PHYKPL: variants seen among roughly 807,000 people sequenced by gnomAD.
PHYKPL encodes the protein 5-phosphohydroxy-L-lysine phospho-lyase.
Under a neutral mutation model 51.3 loss-of-function variants are expected in PHYKPL, and 42 were observed. The ratio of observed to expected loss-of-function variants is 0.82; its 90% CI spans 0.64 to 1.06. The LOEUF is 1.06. Ranked by LOEUF, PHYKPL falls within the 50% of genes least tolerant of loss-of-function variation. PHYKPL has a pLI of 0.00. For missense variants in PHYKPL, 655 were observed against 586.6 expected (o/e 1.12, Z -1.20); for synonymous variants, 264 against 236.0 (o/e 1.12, Z -1.09).
chr5:178,221,426 C>T (rs145166152), intron 8 of PHYKPL, among the ~76,000 whole-genome samples: 6 of 152,256 alleles, frequency 3.9e-5, no homozygotes, highest in South Asian at 2.1e-4. Flanking sequence ...ACTACTTCCA[C>T]TCATCCTCCA....
intron 12 of PHYKPL, chr5:178,209,479 T>C: frequency 6.4e-7 from 1 of 1,573,974 alleles, no homozygotes; most frequent in South Asian, 1.1e-5. Context: ...ATAGGTCCTG[T>C]TTCCCTGCCT....
At chr5:178,210,725 T>C in intron 12 of PHYKPL, 2 of 841,898 alleles carry the variant, frequency 2.4e-6, no homozygotes, top group South Asian at 2.8e-5. Context: ...TTCTATTGCC[T>C]GTCCCATGTG....
chr5:178,227,154 G>T (rs1015247760), intron 3 of PHYKPL, among the ~76,000 whole-genome samples: 1 of 151,870 alleles, frequency 6.6e-6, no homozygotes, highest in South Asian at 2.1e-4. Context: ...TAAGAGAGGT[G>T]ATTACATTAA....
chr5:178,220,370 C>T (rs1417596932), intron 8 of PHYKPL, among the ~76,000 whole-genome samples: 1 of 151,756 alleles, frequency 6.6e-6, no homozygotes, highest in East Asian at 1.9e-4. Flanking sequence ...TGGCGCATGC[C>T]TGTAATCCCA....
rs1216011709 is a variant in PHYKPL at position 178,222,881 on chromosome 5, G to A, written c.672C>T (p.Pro224=). The A allele has an allele frequency of 1.2e-6, 2 of 1,614,174 alleles. No individual in the cohort carries two copies. The highest frequency in any genetic ancestry group is 2.2e-5 in the South Asian group (2 of 91,084). The part of the protein sequence containing the change: ...SLPSVGGQII[P]PAGYFSQVAE... ...CCACTTGGGAGAAGTAGCCAGCAGG[G>A]GGAATGATCTGCCCTCCCACACTGG... The change falls in exon 7 of 13, where the codon CCC becomes CCT. Residue 224 remains proline (P), a synonymous_variant. Transcript: ENST00000308158.
rs1290150258 is a variant in PHYKPL at position 178,225,265 on chromosome 5, T to C, written c.413+90A>G. The stretch of plus-strand genomic sequence containing the variant: ...AGTAGCCCAGGCCCCTTATCCTCCC[T>C]GCCTAAGGCACCCAGAGTCAGTCTC... On this transcript the variant is annotated intron_variant, in intron 4 of 12. Transcript: ENST00000308158. 8.1e-6 allele frequency: 12 copies of C among 1,490,320 alleles called. No individual in the cohort carries two copies. The Admixed American group carries it at 1.6e-4, about 20-fold the overall frequency. 92.3% of individuals were successfully genotyped at this position (1,490,320 alleles called of 1,614,324 possible).
intron 8 of PHYKPL, among the ~76,000 whole-genome samples, chr5:178,219,921 A>G (rs1473812266): frequency 6.6e-6 from 1 of 151,796 alleles, no homozygotes; most frequent in African/African-American, 2.4e-5. Context: ...GGCCGGGTGC[A>G]GTGGCTCATG....
chr5:178,218,513 A>G (rs1760426405), intron 8 of PHYKPL, among the ~76,000 whole-genome samples: 1 of 152,162 alleles, frequency 6.6e-6, no homozygotes, highest in African/African-American at 2.4e-5. Flanking sequence ...AAGAGATCCC[A>G]GGGAGTGCTC....
intron 6 of PHYKPL, 141 bp from the exon 7 acceptor site, chr5:178,223,075 T>C (rs1424014642): frequency 1.0e-5 from 8 of 785,700 alleles, no homozygotes; most frequent in Non-Finnish European, 1.5e-5. Context: ...ATGTTACATC[T>C]GAAGGTTTGT....
Position 178,222,463 on chromosome 5 carries a change from G to A in PHYKPL, c.819C>T (p.Ile273=), listed in dbSNP as rs1761363435. 7 of 1,614,286 alleles carry A rather than the reference G, an allele frequency of 4.3e-6. No individual in the cohort carries two copies. The highest frequency in any genetic ancestry group is 2.2e-5 in the East Asian group (1 of 44,892). Residue 273 remains isoleucine, a synonymous_variant, in exon 8 of 13, where the codon ATC becomes ATT. Transcript: ENST00000308158. ...QLQGKDFVPD[I]VTMGKSIGNG... ...TGCCAATGGACTTGCCCATGGTGAC[G>A]ATGTCAGGGACGAAGTCTTTTCCCT...
intron 6 of PHYKPL, chr5:178,223,443 A>G (rs1186194485): frequency 2.2e-6 from 1 of 456,226 alleles, no homozygotes; most frequent in Non-Finnish European, 4.4e-6. Flanking sequence ...CAGAGAACTG[A>G]GCATGTCACT....
At chr5:178,231,298 C>A (rs1162893355) in intron 2 of PHYKPL, 107 bp downstream of exon 2, 33 of 1,567,182 alleles carry the variant, frequency 2.1e-5, no homozygotes, top group Non-Finnish European at 2.8e-5. Context: ...AGTGCCTCAA[C>A]TCCACCCAGG....
chr5:178,229,765 T>C, intron 3 of PHYKPL, 175 bp downstream of exon 3: 1 of 676,444 alleles, frequency 1.5e-6, no homozygotes. Context: ...ACAAGGAAAC[T>C]GGATCCAACA....
intron 6 of PHYKPL, chr5:178,223,569 T>G: frequency 2.3e-6 from 1 of 439,872 alleles, no homozygotes; most frequent in Non-Finnish European, 4.6e-6. Flanking sequence ...CCCCCACACC[T>G]GTTGCAATCA....
Position 178,228,407 on chromosome 5 carries a change from G to A in PHYKPL, c.338+1533C>T, listed in dbSNP as rs187799488. 187 of 634,804 alleles carry A rather than the reference G, an allele frequency of 2.9e-4. 1 individual carries two copies. The East Asian group carries it at 5.0e-3, about 17-fold the overall frequency. The allele number at this position is 634,804 out of a possible 1,614,324, so 39.3% of individuals were successfully genotyped here. On this transcript the variant is annotated intron_variant, in intron 3 of 12. Transcript: ENST00000308158. ...AGTAAGACAATGCAGCAAAGAGATT[G>A]CTTTGGATTTGGCAACATGGAAGTC...
At position 178,224,544 on chromosome 5, in the gene PHYKPL, G is replaced by GT. The variant is rs1561726438; in HGVS notation, c.521dup (p.Tyr174Ter). 26 of 1,614,120 alleles carry GT rather than the reference G, an allele frequency of 1.6e-5. No homozygotes were observed. The highest frequency in any genetic ancestry group is 2.2e-5 in the Non-Finnish European group (26 of 1,180,034). Residue 174 changes from tyrosine to a stop codon, truncating the protein, a stop_gained and frameshift_variant, in exon 6 of 13, where the codon TAC (tyrosine) becomes TAAC (stop). Coordinates refer to ENST00000308158, the MANE Select transcript of PHYKPL (RefSeq NM_153373.4). LOFTEE classifies it high-confidence loss of function. ...WVHVAPLPDT[Y>*]RGPYREDHPN... is the part of the protein sequence containing the mutation. The stretch of plus-strand genomic sequence containing the variant: ...GGTGGTCCTCCCGGTAGGGGCCCCG[G>GT]TAGGTGTCTGGGAGAGGTGCCTGTG...
In PHYKPL at chr5:178,232,650, C is replaced by A; in HGVS notation, c.-100G>T. Reference sequence around the variant, plus strand: ...CTCCGGGCCCCGCCCCTGCCTGGGTCGGGATTTGGGGCTCAGGTTCGCACT... The same window carrying A: ...CTCCGGGCCCCGCCCCTGCCTGGGTAGGGATTTGGGGCTCAGGTTCGCACT... On this transcript the variant is annotated 5_prime_UTR_variant, in exon 1 of 13. Transcript: ENST00000308158. 4 of 1,205,732 alleles carry A rather than the reference C, an allele frequency of 3.3e-6. No individual in the cohort carries two copies. Among genetic ancestry groups the A allele is most frequent in the South Asian group, 7.8e-5 (2 of 25,604 alleles). The allele number at this position is 1,205,732 out of a possible 1,614,324, so 74.7% of individuals were successfully genotyped here. A position where few individuals can be genotyped will look rare whatever the true frequency, so the allele number is the denominator to read the frequency against.
chr5:178,222,264 AGCCCT>A, intron 8 of PHYKPL, 86 bp downstream of exon 8: 1 of 1,152,374 alleles, frequency 8.7e-7, no homozygotes, highest in Non-Finnish European at 1.2e-6. Flanking sequence ...GCACAGTGCT[AGCCCT>A]GTAGCCTTTG....
rs1422157626 is a variant in PHYKPL at position 178,215,322 on chromosome 5, G to A, written c.1036C>T (p.Leu346Phe). ...TGTTTGATTTTTTGCTGCCCGAGGA[G>A]CTGCATCAGGAAGCTGCCTACACTG... ...ATSVGSFLMQ[L>F]LGQQKIKHPI... Residue 346 changes from leucine (L) to phenylalanine (F), a missense_variant, in exon 9 of 13, where the codon CTC (leucine) becomes TTC (phenylalanine). Leu to Phe is a conservative substitution (Grantham distance 22, BLOSUM62 0). Transcript: ENST00000308158. The A allele has an allele frequency of 7.4e-6, 12 of 1,613,944 alleles. No individual in the cohort carries two copies. Among genetic ancestry groups the A allele is most frequent in the Admixed American group, 3.3e-5 (2 of 59,982 alleles).
Sources: gnomAD v4.1 joint callset for allele counts (sites outside exome capture counted in the v4.1 genomes callset) on GRCh38, gnomAD v4.1.1 for gene constraint, MANE v1.5 for transcripts, NCBI Gene and HGNC (gene_info 2026-07-23, HGNC 2026-07-21) for gene names.